The following MAP4 variants were observed in gnomAD, a reference collection of about 807,000 sequenced individuals.
MAP4 encodes microtubule associated protein 4, also known as microtubule-associated protein 4.
In MAP4, 76 loss-of-function variants were observed where a neutral mutation model predicts 170.2. The ratio of observed to expected loss-of-function variants is 0.45; its 90% confidence interval spans 0.37 to 0.54. The LOEUF (loss-of-function observed/expected upper bound fraction) is 0.54. Ranked by LOEUF, MAP4 falls within the 20% of genes least tolerant of loss-of-function variation. The probability of loss-of-function intolerance (pLI) is 0.00; values close to 1 mark genes in which losing one functional copy is unlikely to be tolerated. For missense variants in MAP4, 2,506 were observed against 2,748.0 expected, an observed-to-expected ratio of 0.91 and a Z score of 1.97; for synonymous variants, 909 against 994.5, an observed-to-expected ratio of 0.91 and a Z score of 1.62.
intron 2 of MAP4, among the ~76,000 whole-genome samples, chr3:47,983,261 T>C (rs1399260717): frequency 6.6e-6 from 1 of 152,190 alleles, no homozygotes; most frequent in Non-Finnish European, 1.5e-5. Context: ...CAGGCTGGAA[T>C]GCAGTGGTAT....
At chr3:47,975,086 G>A (rs900764840) in intron 3 of MAP4, 44 of 1,050,220 alleles carry the variant, frequency 4.2e-5, no homozygotes, top group Middle Eastern at 4.6e-4. Flanking sequence ...AAAGGAAAAA[G>A]GTCAACTAAA....
chr3:47,887,195 G>A (rs2097737804), intron 10 of MAP4, among the ~76,000 whole-genome samples: 1 of 152,258 alleles, frequency 6.6e-6, no homozygotes, highest in Admixed American at 6.5e-5. Flanking sequence ...AGCTTGCAGG[G>A]AGGTGTGGAA....
intron 3 of MAP4, among the ~76,000 whole-genome samples, chr3:47,949,478 A>AAAT (rs2154085429): frequency 6.6e-6 from 1 of 151,398 alleles, no homozygotes; most frequent in Admixed American, 6.6e-5. Context: ...AAAAAAAAAA[A>AAAT]AAAAAAAAAA....
upstream of MAP4, among the ~76,000 whole-genome samples, chr3:48,020,009 A>T (rs1447693593): frequency 6.6e-6 from 1 of 152,166 alleles, no homozygotes; most frequent in Non-Finnish European, 1.5e-5. Flanking sequence ...CAATTCTATA[A>T]TTTTTGTTTT....
chr3:47,970,094 C>T (rs2100077663), intron 3 of MAP4, among the ~76,000 whole-genome samples: 2 of 152,222 alleles, frequency 1.3e-5, no homozygotes, highest in Admixed American at 6.5e-5. Flanking sequence ...CACTCTTGTG[C>T]CCTGGGGCCA....
intron 2 of MAP4, 118 bp from the exon 3 acceptor site, chr3:47,978,051 A>G: frequency 1.5e-6 from 1 of 666,576 alleles, no homozygotes; most frequent in Non-Finnish European, 2.7e-6. Flanking sequence ...TAAAGCAATT[A>G]AAAACTGTTC....
intron 1 of MAP4, among the ~76,000 whole-genome samples, chr3:48,081,696 G>A (rs752216583): frequency 3.9e-5 from 6 of 152,006 alleles, no homozygotes; most frequent in African/African-American, 9.7e-5. Context: ...AGACAGATAC[G>A]GAAGTAAACG....
In MAP4 at chr3:47,911,074, CTCTTATCCTGAGTAG is replaced by C. The variant is rs1430999688; in HGVS notation, c.3332_3346del (p.Thr1111_Lys1115del). 1.3e-6 allele frequency: 2 copies of C among 1,536,198 alleles called. No individual in the cohort carries two copies. Among genetic ancestry groups the C allele is most frequent in the Admixed American group, 3.9e-5 (2 of 51,010 alleles). ...TGAAGAATTCAGCCCCAGCTCCTCA[CTCTTATCCTGAGTAG>C]TCATTCCTTCAGTTTTAGAGACTGG... is the stretch of plus-strand genomic sequence containing the variant. On this transcript the variant is annotated inframe_deletion, in exon 9 of 21. Coordinates refer to ENST00000683076, the MANE Select transcript of MAP4 (RefSeq NM_001385682.1). The surrounding 1 kb of genome is among the most constrained non-coding windows in gnomAD (Gnocchi z 4.0).
intron 10 of MAP4, among the ~76,000 whole-genome samples, chr3:47,878,902 AATATAGGGAAATAT>A (rs767252369): frequency 4.1e-4 from 62 of 152,362 alleles, no homozygotes; most frequent in Admixed American, 7.2e-4. Context: ...TACTGAGAAT[AATATAGGGAAATAT>A]ACTTGGTAGG....
rs1425253041 is a variant in MAP4 at position 47,853,336 on chromosome 3, C to T, written c.6713G>A (p.Ser2238Asn). 3 of 1,607,948 alleles carry T rather than the reference C, an allele frequency of 1.9e-6. No individual in the cohort carries two copies. Among genetic ancestry groups the T allele is most frequent in the Non-Finnish European group, 2.5e-6 (3 of 1,178,556 alleles). Residue 2238 changes from serine to asparagine, a missense_variant, in exon 20 of 21, where the codon AGC (serine) becomes AAC (asparagine). Transcript: ENST00000683076. ...GGAVKTEGGG[S>N]EAPLCPGPPA... ...GGGACCCGGACACAGAGGAGCCTCG[C>T]TGCCACCGCCCTCAGTCTACAATGA...
intron 6 of MAP4, among the ~76,000 whole-genome samples, chr3:47,918,286 A>G (rs553886302): frequency 6.6e-6 from 1 of 151,370 alleles, no homozygotes; most frequent in African/African-American, 2.4e-5. Flanking sequence ...GCCTAGACCA[A>G]TTTTTGTATT....
chr3:47,960,289 G>A (rs2100070816), intron 3 of MAP4: 2 of 222,886 alleles, frequency 9.0e-6, no homozygotes, highest in South Asian at 8.1e-5. Flanking sequence ...GCAGATGCTT[G>A]TGATTCTGGA....
intron 1 of MAP4, among the ~76,000 whole-genome samples, chr3:48,053,175 A>G (rs546284299): frequency 3.9e-5 from 6 of 152,354 alleles, no homozygotes; most frequent in African/African-American, 1.4e-4. Context: ...ATTTTTAATT[A>G]GACCTGATGC....
At chr3:48,025,358 G>A (rs1201083200) in intron 1 of MAP4, among the ~76,000 whole-genome samples, 4 of 148,420 alleles carry the variant, frequency 2.7e-5, no homozygotes, top group Non-Finnish European at 4.4e-5. Context: ...GTGCGATCTC[G>A]GCTCACTGCC....
Position 47,910,934 on chromosome 3 carries a change from C to T in MAP4, c.3487G>A (p.Gly1163Arg), listed in dbSNP as rs1316520224. The change falls in exon 9 of 21, where the codon GGA becomes AGA. Residue 1163 changes from glycine to arginine, a missense_variant. Physicochemically the swap from Gly to Arg is moderately radical, Grantham distance 125 (BLOSUM62 -2). Transcript: ENST00000683076. Reference sequence around the variant, plus strand: ...CCAGAAGTCTGAGTCATGCCTGATCCACTTTCCAAAGGAATCAATGCCTGC... The same window carrying T: ...CCAGAAGTCTGAGTCATGCCTGATCTACTTTCCAAAGGAATCAATGCCTGC... The part of the protein sequence containing the change: ...TMQALIPLES[G>R]SGMTQTSGVS... 1 of 1,536,148 alleles carries T rather than the reference C, an allele frequency of 6.5e-7. No individual in the cohort carries two copies. The highest frequency in any genetic ancestry group is 1.4e-5 in the African/African-American group (1 of 73,138).
At chr3:47,865,573 T>C (rs920614827) in intron 17 of MAP4, among the ~76,000 whole-genome samples, 9 of 152,100 alleles carry the variant, frequency 5.9e-5, no homozygotes, top group African/African-American at 2.2e-4. Flanking sequence ...ATACAACTGC[T>C]GGGGGTATCT....
chr3:47,961,657 T>C (rs2100071652), intron 3 of MAP4, among the ~76,000 whole-genome samples: 1 of 152,194 alleles, frequency 6.6e-6, no homozygotes, highest in Non-Finnish European at 1.5e-5. Flanking sequence ...ATGATGACAC[T>C]AAGCTTAGTA....
chr3:47,854,741 AGGC>A (rs1399689563), intron 19 of MAP4, among the ~76,000 whole-genome samples: 254 of 61,292 alleles, frequency 4.1e-3, no homozygotes, highest in African/African-American at 0.031. Context: ...GGGAGGCCCC[AGGC>A]AGGCCCTGCA....
At chr3:47,941,406 T>G (rs924339004) in intron 3 of MAP4, among the ~76,000 whole-genome samples, 1 of 151,996 alleles carries the variant, frequency 6.6e-6, no homozygotes, top group Middle Eastern at 3.4e-3. Context: ...AAACAACATA[T>G]TGTGACAGAC....
Sources: allele counts gnomAD v4.1 joint callset (sites outside exome capture counted in the v4.1 genomes callset), GRCh38; gene constraint gnomAD v4.1.1; non-coding constraint Gnocchi (gnomAD v3.1); transcripts MANE v1.5; gene names NCBI Gene and HGNC (gene_info 2026-07-23, HGNC 2026-07-21).